FAAH2: variants seen among roughly 807,000 people sequenced by gnomAD.
FAAH2 encodes fatty-acid amide hydrolase 2.
FAAH2 carries 60 observed loss-of-function variants against 36.9 expected under a neutral mutation model. The ratio of observed to expected loss-of-function variants is 1.63; its 90% CI spans 1.32 to 2.02. FAAH2 has a LOEUF of 2.02. FAAH2 is among the 30% of genes most tolerant of loss of function. The probability of loss-of-function intolerance (pLI) is 0.00; values close to 1 mark genes in which losing one functional copy is unlikely to be tolerated. For synonymous variants in FAAH2, 214 were observed against 143.8 expected (o/e 1.49, Z -3.49); for missense variants, 689 against 397.5 (o/e 1.73, Z -6.23).
intron 10 of FAAH2, among the ~76,000 whole-genome samples, chrX:57,474,105 A>C (rs745972739): frequency 8.9e-6 from 1 of 111,901 alleles, no homozygotes; most frequent in African/African-American, 3.2e-5. Flanking sequence ...CTTTGTACTT[A>C]TGTGTCTTTG....
chrX:57,383,294 C>T (rs143492357), intron 7 of FAAH2, among the ~76,000 whole-genome samples: 304 of 112,091 alleles, frequency 2.7e-3, no homozygotes, highest in African/African-American at 9.2e-3. Flanking sequence ...CTCACCACTC[C>T]TATGCAACAT....
At chrX:57,254,314 C>A in the FAAH2 span, among the ~76,000 whole-genome samples, 1 of 111,530 alleles carries the variant, frequency 9.0e-6, no homozygotes, top group African/African-American at 3.3e-5. Context: ...GACTCCCACA[C>A]AATAATAATG....
At chrX:57,435,325 A>G (rs1057475894) in intron 8 of FAAH2, among the ~76,000 whole-genome samples, 37 of 111,526 alleles carry the variant, frequency 3.3e-4, no homozygotes, top group Admixed American at 1.3e-3. Context: ...TAGTGACCTG[A>G]CAGAAAATAA....
the FAAH2 span, among the ~76,000 whole-genome samples, chrX:57,199,668 G>C: frequency 9.0e-6 from 1 of 111,592 alleles, no homozygotes; most frequent in Non-Finnish European, 1.9e-5. Flanking sequence ...GTCCAATGCA[G>C]AAAGTAGAGT....
the FAAH2 span, among the ~76,000 whole-genome samples, chrX:57,142,710 G>C: frequency 9.0e-6 from 1 of 111,515 alleles, no homozygotes; most frequent in African/African-American, 3.3e-5. Context: ...GGGTGTTATA[G>C]TCCACACTTG....
intron 2 of FAAH2, among the ~76,000 whole-genome samples, chrX:57,299,821 C>T (rs1226034876): frequency 8.9e-6 from 1 of 111,766 alleles, no homozygotes; most frequent in South Asian, 3.8e-4. Context: ...AACAGACAAA[C>T]AGAGAGCCAA....
intron 3 of FAAH2, among the ~76,000 whole-genome samples, chrX:57,328,875 T>G (rs2053308311): frequency 1.8e-5 from 2 of 111,400 alleles, no homozygotes; most frequent in South Asian, 7.5e-4. Context: ...TCTGGGGGAC[T>G]GGTATGAGGT....
chrX:57,369,255 C>G (rs1410612815), intron 5 of FAAH2, among the ~76,000 whole-genome samples: 1 of 110,972 alleles, frequency 9.0e-6, no homozygotes, highest in Non-Finnish European at 1.9e-5. Flanking sequence ...ATCAAACAAA[C>G]TTCTGCATTC....
At chrX:57,480,827 G>T (rs146699669) in intron 10 of FAAH2, among the ~76,000 whole-genome samples, 5 of 111,253 alleles carry the variant, frequency 4.5e-5, no homozygotes, top group Non-Finnish European at 9.4e-5. Flanking sequence ...ATCCTGAAGT[G>T]TGCTGTCTAA....
the FAAH2 span, among the ~76,000 whole-genome samples, chrX:57,129,669 G>A: frequency 2.7e-5 from 3 of 112,091 alleles, no homozygotes; most frequent in Non-Finnish European, 5.6e-5. Flanking sequence ...GTTGTAACTA[G>A]CAGCTAGATA....
At chrX:57,154,796 TAA>T in the FAAH2 span, among the ~76,000 whole-genome samples, 1 of 110,694 alleles carries the variant, frequency 9.0e-6, no homozygotes, top group Non-Finnish European at 1.9e-5. Context: ...CTCATTTGGT[TAA>T]GTCTATGTCT....
intron 3 of FAAH2, among the ~76,000 whole-genome samples, chrX:57,326,438 G>T (rs1015845006): frequency 2.5e-4 from 28 of 114,267 alleles, no homozygotes; most frequent in African/African-American, 8.7e-4. Flanking sequence ...TGACAGTGGG[G>T]TGTTAAAGTC....
chrX:57,290,128 G>A (rs1359840673), intron 1 of FAAH2: 1 of 184,086 alleles, frequency 5.4e-6, no homozygotes, highest in Admixed American at 9.6e-5. Flanking sequence ...TATATATAAA[G>A]TTCTTGGCAT....
chrX:57,422,301 C>T (rs1474096539), intron 7 of FAAH2, among the ~76,000 whole-genome samples: 1 of 111,649 alleles, frequency 9.0e-6, no homozygotes, highest in Non-Finnish European at 1.9e-5. Context: ...AATTACCACC[C>T]CTGCATCCTT....
chrX:57,227,011 T>G, the FAAH2 span, among the ~76,000 whole-genome samples: 1 of 111,726 alleles, frequency 9.0e-6, no homozygotes, highest in Admixed American at 9.5e-5. Flanking sequence ...TTTAATTTTT[T>G]TTTTCTTTAA....
At chrX:57,146,730 GTA>G in the FAAH2 span, among the ~76,000 whole-genome samples, 1 of 111,836 alleles carries the variant, frequency 8.9e-6, no homozygotes, top group East Asian at 2.8e-4. Flanking sequence ...TTACATTCAG[GTA>G]TGTCTCTTCT....
the FAAH2 span, among the ~76,000 whole-genome samples, chrX:57,223,569 G>A: frequency 1.8e-5 from 2 of 110,795 alleles, no homozygotes; most frequent in South Asian, 3.9e-4. Context: ...CTGCCACTCA[G>A]TGTCACCCCA....
chrX:57,224,547 C>G, the FAAH2 span, among the ~76,000 whole-genome samples: 1 of 111,402 alleles, frequency 9.0e-6, no homozygotes, highest in Non-Finnish European at 1.9e-5. Flanking sequence ...GCAGTGTGCA[C>G]CAGCAGCGTG....
intron 5 of FAAH2, among the ~76,000 whole-genome samples, chrX:57,374,581 T>C (rs1309258097): frequency 8.9e-6 from 1 of 112,142 alleles, no homozygotes; most frequent in African/African-American, 3.2e-5. Context: ...TTTGCTGAAC[T>C]CATTTGTCAG....
Sources: gnomAD v4.1 joint callset for allele counts (sites outside exome capture counted in the v4.1 genomes callset) on GRCh38, gnomAD v4.1.1 for gene constraint, MANE v1.5 for transcripts, NCBI Gene and HGNC (gene_info 2026-07-23, HGNC 2026-07-21) for gene names.